AS3MT: variants seen among roughly 807,000 people sequenced by gnomAD.
AS3MT encodes the protein S-adenosyl-L-methionine:arsenic(III) methyltransferase.
A neutral mutation model predicts 45.3 loss-of-function variants in AS3MT; 47 were observed. That is an observed-to-expected ratio of 1.04 (90% CI 0.82 to 1.32). AS3MT has a LOEUF of 1.32. Ranked by LOEUF, AS3MT falls within the 40% of genes most tolerant of loss-of-function variation. AS3MT has a pLI of 0.00. For missense variants in AS3MT, 396 were observed against 451.1 expected, an observed-to-expected ratio of 0.88 and a Z score of 1.11; for synonymous variants, 141 against 152.8, an observed-to-expected ratio of 0.92 and a Z score of 0.57.
At chr10:102,893,220 C>T (rs1845103497) in intron 10 of AS3MT, among the ~76,000 whole-genome samples, 1 of 151,870 alleles carries the variant, frequency 6.6e-6, no homozygotes, top group Non-Finnish European at 1.5e-5. Flanking sequence ...ATTTTTTAAC[C>T]TCACCTTTGG....
At chr10:102,895,391 G>A (rs539977936) in intron 10 of AS3MT, among the ~76,000 whole-genome samples, 2 of 151,868 alleles carry the variant, frequency 1.3e-5, no homozygotes, top group Admixed American at 6.6e-5. Flanking sequence ...AGTAGAGGCG[G>A]GGTCTCATCA....
chr10:102,874,495 T>G, intron 5 of AS3MT, 97 bp from the exon 6 acceptor site: 1 of 863,830 alleles, frequency 1.2e-6, no homozygotes, highest in South Asian at 1.5e-5. Flanking sequence ...GGGGTAGCTT[T>G]GACAGAACGG....
At chr10:102,872,959 C>T in intron 4 of AS3MT, 138 bp from the exon 5 acceptor site, 1 of 740,836 alleles carries the variant, frequency 1.3e-6, no homozygotes, top group Admixed American at 3.2e-5. Context: ...GTAGTATATC[C>T]TACGTGTCCA....
chr10:102,888,868 TATATA>T lies in AS3MT; in HGVS notation c.886-1675_886-1671del, dbSNP rs1332110301. Among the ~76,000 whole-genome samples, 244 of 98,812 alleles carry T rather than the reference TATATA, an allele frequency of 2.5e-3. 5 individuals are homozygous for T. Among genetic ancestry groups the T allele is most frequent in the East Asian group, 8.2e-3 (26 of 3,182 alleles). 64.8% of individuals were successfully genotyped at this position (98,812 alleles called of 152,430 possible). A position where few individuals can be genotyped will look rare whatever the true frequency, so the allele number is the denominator to read the frequency against. ...ATCAAACCCTATATATATATATATA[TATATA>T]TATATATATTTTTTTTTTTTTTTTT... is the stretch of plus-strand genomic sequence containing the variant. On this transcript the variant is annotated intron_variant, in intron 9 of 10. Coordinates refer to ENST00000369880, the MANE Select transcript of AS3MT (RefSeq NM_020682.4).
At chr10:102,889,647 T>C (rs7476196) in intron 9 of AS3MT, among the ~76,000 whole-genome samples, 26,649 of 85,330 alleles carry the variant, frequency 0.31, 3,278 homozygotes, top group Middle Eastern at 0.4. Flanking sequence ...TTCCTTCCTT[T>C]CTTCCTTCCT....
chr10:102,897,708 C>T (rs1010887849), intron 10 of AS3MT, among the ~76,000 whole-genome samples: 2 of 152,166 alleles, frequency 1.3e-5, no homozygotes, highest in South Asian at 2.1e-4. Flanking sequence ...TCAGGCAATC[C>T]GCCCGCCTCG....
chr10:102,869,470 A>C lies in AS3MT; in HGVS notation c.-123A>C, dbSNP rs1234015253. 6 of 1,531,420 alleles carry C rather than the reference A, an allele frequency of 3.9e-6. No individual in the cohort carries two copies. The African/African-American group carries it at 6.9e-5, about 18-fold the overall frequency. The allele number at this position is 1,531,420 out of a possible 1,614,324, so 94.9% of individuals were successfully genotyped here. On this transcript the variant is annotated 5_prime_UTR_variant, in exon 1 of 11. Transcript: ENST00000369880. The stretch of plus-strand genomic sequence containing the variant: ...CTGCCAGCCTGGGCGGGGCCTCGGC[A>C]CAGGAGCTGGCTGCGGGAGCCCGCC...
chr10:102,899,139 T>C (rs374286418), intron 10 of AS3MT, among the ~76,000 whole-genome samples: 2 of 152,178 alleles, frequency 1.3e-5, no homozygotes, highest in East Asian at 3.8e-4. Context: ...AGCCTCATAG[T>C]AGCCACCACG....
chr10:102,900,783 C>A lies in AS3MT; in HGVS notation c.*83C>A. 9.1e-7 allele frequency: 1 copy of A among 1,101,538 alleles called. No individual in the cohort carries two copies. The highest frequency in any genetic ancestry group is 1.4e-6 in the Non-Finnish European group (1 of 731,234). The allele number at this position is 1,101,538 out of a possible 1,614,324, so 68.2% of individuals were successfully genotyped here. On this transcript the variant is annotated 3_prime_UTR_variant, in exon 11 of 11. Coordinates refer to ENST00000369880, the MANE Select transcript of AS3MT (RefSeq NM_020682.4). ...ACCTGCTTTTCCCCATAGCACAGAC[C>A]ATAAGAAACAACAAATGGGGCCGGG...
At chr10:102,900,553 C>T (rs1845254062) in intron 10 of AS3MT, 40 bp from the exon 11 acceptor site, 4 of 1,449,106 alleles carry the variant, frequency 2.8e-6, no homozygotes, top group South Asian at 2.3e-5. Flanking sequence ...CATCAAAACA[C>T]CTTTAACTTG....
rs774767962 is a variant in AS3MT at position 102,877,023 on chromosome 10, A to G, written c.598A>G (p.Lys200Glu). Reference protein sequence around the residue: ...LELPEEIRTHKVLWGECLGGA... With the variant: ...LELPEEIRTHEVLWGECLGGA... ...ACTGCCAGAAGAAATCAGGACACAC[A>G]AAGTTTTATGGGGTAGGTGATTTTG... Residue 200 changes from lysine to glutamate, a missense_variant, in exon 7 of 11, where the codon AAA becomes GAA. Coordinates refer to ENST00000369880, the MANE Select transcript of AS3MT (RefSeq NM_020682.4). 2 of 1,614,086 alleles carry G rather than the reference A, an allele frequency of 1.2e-6. No homozygotes were observed. The highest frequency in any genetic ancestry group is 2.2e-5 in the East Asian group (1 of 44,868).
intron 9 of AS3MT, among the ~76,000 whole-genome samples, chr10:102,889,651 C>T (rs567204037): frequency 2.8e-4 from 34 of 120,348 alleles, no homozygotes; most frequent in Middle Eastern, 4.6e-3. Flanking sequence ...TTCCTTTCTT[C>T]CTTCCTTCCT....
rs1386310668 is a variant in AS3MT, at chr10:102,878,878, C to T, written c.772C>T (p.Arg258Cys). The change falls in exon 9 of 11, where the codon CGC (arginine) becomes TGC (cysteine). Residue 258 changes from arginine (R) to cysteine (C), a missense_variant. Transcript: ENST00000369880. The stretch of plus-strand genomic sequence containing the variant: ...CTGTCGTTTTGTTTCTGCAACATTT[C>T]GCCTCTTCAAACACTCTAAGACAGG... ...GDCRFVSATF[R>C]LFKHSKTGPT... 12 of 1,612,704 alleles carry T rather than the reference C, an allele frequency of 7.4e-6. No individual in the cohort carries two copies. The highest frequency in any genetic ancestry group is 6.7e-5 in the African/African-American group (5 of 74,812).
At chr10:102,872,814 T>C (rs551984793) in intron 4 of AS3MT, among the ~76,000 whole-genome samples, 1 of 152,320 alleles carries the variant, frequency 6.6e-6, no homozygotes, top group Non-Finnish European at 1.5e-5. Flanking sequence ...TTTGCTCTGA[T>C]ATGAATATCG....
intron 10 of AS3MT, 125 bp downstream of exon 10, chr10:102,890,803 T>G: frequency 1.2e-6 from 1 of 850,574 alleles, no homozygotes; most frequent in Non-Finnish European, 1.7e-6. Context: ...CTCCGCCTCC[T>G]GGGTTCAAGC....
In AS3MT at chr10:102,872,550, G is replaced by C. The variant is rs370458438; in HGVS notation, c.273G>C (p.Leu91=). 1.9e-6 allele frequency: 3 copies of C among 1,613,868 alleles called. No individual in the cohort carries two copies. In the Admixed American group the frequency reaches 5.0e-5, roughly 27 times the overall value. ...SGRDCYVLSQ[L]VGEKGHVTGI... is the part of the protein sequence containing the mutation. The stretch of plus-strand genomic sequence containing the variant: ...GAGATTGCTATGTACTTAGCCAGCT[G>C]GTTGGTGAAAAAGGACACGTGACTG... Residue 91 remains leucine, a synonymous_variant, in exon 4 of 11, where the codon CTG becomes CTC. Transcript: ENST00000369880.
intron 9 of AS3MT, among the ~76,000 whole-genome samples, chr10:102,883,900 TACTC>T (rs1458503095): frequency 6.6e-6 from 1 of 152,032 alleles, no homozygotes; most frequent in African/African-American, 2.4e-5. Flanking sequence ...TTACCTCACA[TACTC>T]ACCATTTATT....
At position 102,876,969 on chromosome 10, in the gene AS3MT, T is replaced by C. The variant is rs747221003; in HGVS notation, c.544T>C (p.Tyr182His). The C allele has an allele frequency of 6.2e-7, 1 of 1,614,206 alleles. No homozygotes were observed. Among genetic ancestry groups the C allele is most frequent in the Non-Finnish European group, 8.5e-7 (1 of 1,179,998 alleles). ...YRVLKHGGEL[Y>H]FSDVYTSLEL... is the part of the protein sequence containing the mutation. ...TCTGTTTCAGCATGGTGGGGAGTTA[T>C]ATTTCAGTGACGTCTATACGAGCCT... is the stretch of plus-strand genomic sequence containing the variant. Residue 182 changes from tyrosine to histidine, a missense_variant, in exon 7 of 11, where the codon TAT becomes CAT. Physicochemically the swap from Tyr to His is moderately conservative, Grantham distance 83. Coordinates refer to ENST00000369880, the MANE Select transcript of AS3MT (RefSeq NM_020682.4).
chr10:102,893,093 A>C (rs1208498058), intron 10 of AS3MT, among the ~76,000 whole-genome samples: 1 of 151,432 alleles, frequency 6.6e-6, no homozygotes, highest in Non-Finnish European at 1.5e-5. Flanking sequence ...GAAGTCTCTA[A>C]ATTCCTTAGC....
Sources: gnomAD v4.1 joint callset for allele counts (sites outside exome capture counted in the v4.1 genomes callset) on GRCh38, gnomAD v4.1.1 for gene constraint, MANE v1.5 for transcripts, NCBI Gene and HGNC (gene_info 2026-07-23, HGNC 2026-07-21) for gene names.